Variants in MYOM2 observed in about 807,000 individuals in gnomAD.
MYOM2 encodes the protein myomesin 2, also known as myomesin-2.
Under a neutral mutation model 187.6 loss-of-function variants are expected in MYOM2, and 254 were observed. The ratio of observed to expected loss-of-function variants is 1.35; its 90% confidence interval spans 1.22 to 1.50. The LOEUF is 1.50. Ranked by LOEUF, MYOM2 falls within the 40% of genes most tolerant of loss-of-function variation. MYOM2 has a pLI of 0.00. For synonymous variants in MYOM2, 981 were observed against 753.8 expected (o/e 1.30, Z -4.94); for missense variants, 2,796 against 1,924.0 (o/e 1.45, Z -8.48).
intron 35 of MYOM2, among the ~76,000 whole-genome samples, chr8:2,142,762 C>T (rs1798320812): frequency 8.9e-6 from 1 of 112,876 alleles, no homozygotes; most frequent in Admixed American, 1.0e-4. Context: ...TCCCTTTATT[C>T]TTTTTTTTTT....
In MYOM2 at chr8:2,052,244, G is replaced by T; in HGVS notation, c.194G>T (p.Gly65Val). 6.2e-7 allele frequency: 1 copy of T among 1,613,298 alleles called. No individual in the cohort carries two copies. Among genetic ancestry groups the T allele is most frequent in the Non-Finnish European group, 8.5e-7 (1 of 1,179,832 alleles). Residue 65 changes from glycine to valine, a missense_variant, in exon 3 of 37, where the codon GGA becomes GTA. Transcript: ENST00000262113. Reference sequence around the variant, plus strand: ...GCCTCCAGCCAGACGTCCCTGGGAGGAACCATCTGCAGGGTCTGTGCGAAG... The same window carrying T: ...GCCTCCAGCCAGACGTCCCTGGGAGTAACCATCTGCAGGGTCTGTGCGAAG... ...QRASSQTSLGGTICRVCAKRV... is the reference protein window; with the variant it reads ...QRASSQTSLGVTICRVCAKRV...
chr8:2,119,938 G>C (rs556876663), intron 28 of MYOM2, among the ~76,000 whole-genome samples: 21 of 152,146 alleles, frequency 1.4e-4, no homozygotes, highest in African/African-American at 5.1e-4. Context: ...AGTGCAGCCC[G>C]TTGGTTTCAC....
chr8:2,085,234 A>G (rs1279563573), intron 13 of MYOM2, 29 bp from the exon 14 acceptor site: 3 of 1,611,378 alleles, frequency 1.9e-6, no homozygotes, highest in East Asian at 2.2e-5. Context: ...GGGGTCCTTC[A>G]GCACTCACCG....
chr8:2,064,788 CT>C (rs1754060448), intron 6 of MYOM2, among the ~76,000 whole-genome samples: 1 of 152,112 alleles, frequency 6.6e-6, no homozygotes, highest in African/African-American at 2.4e-5. Flanking sequence ...CATCCCCCTC[CT>C]CCTTCTCCTC....
At chr8:2,063,076 A>C (rs1390419647) in intron 6 of MYOM2, among the ~76,000 whole-genome samples, 1 of 152,194 alleles carries the variant, frequency 6.6e-6, no homozygotes, top group Non-Finnish European at 1.5e-5. Flanking sequence ...ACTTGGGAAA[A>C]GGAAACTTCC....
At chr8:2,077,317 A>C (rs1054129933) in intron 11 of MYOM2, among the ~76,000 whole-genome samples, 6 of 152,184 alleles carry the variant, frequency 3.9e-5, no homozygotes, top group African/African-American at 1.2e-4. Context: ...ATCAAAAAAA[A>C]CAAAACAAAA....
chr8:2,111,825 T>C (rs1797077971), intron 25 of MYOM2, among the ~76,000 whole-genome samples: 1 of 152,260 alleles, frequency 6.6e-6, no homozygotes, highest in Non-Finnish European at 1.5e-5. Context: ...TCTATCATTG[T>C]AGATGTACCA....
Position 2,098,859 on chromosome 8 carries a change from G to A in MYOM2, c.2316G>A (p.Val772=), listed in dbSNP as rs752814805. ...TAATTTAAACAAAATCTGAATAGGT[G>A]GACGGCTTGACGGAAGGCTCACTCT... ...SSPSKPTILT[V]DGLTEGSLYE... Residue 772 remains valine, a splice_region_variant and synonymous_variant, in exon 19 of 37, where the codon GTG becomes GTA. Transcript: ENST00000262113. 1 of 1,610,962 alleles carries A rather than the reference G, an allele frequency of 6.2e-7. No individual in the cohort carries two copies. Among genetic ancestry groups the A allele is most frequent in the Non-Finnish European group, 8.5e-7 (1 of 1,177,824 alleles).
rs116914025 is a variant in MYOM2, at chr8:2,052,705, C to T, written c.263+392C>T. 9.7e-3 allele frequency among the ~76,000 whole-genome samples: 1,483 copies of T among 152,350 alleles called. 10 individuals are homozygous for T. Among genetic ancestry groups the T allele is most frequent in the Middle Eastern group, 0.017 (5 of 294 alleles). On this transcript the variant is annotated intron_variant, in intron 3 of 36. Coordinates refer to ENST00000262113, the MANE Select transcript of MYOM2 (RefSeq NM_003970.4). ...GCAGGATAAGCACACATGAAAACAT[C>T]AAGACCTAGCAGTGTGAGAGTAATT...
intron 35 of MYOM2, among the ~76,000 whole-genome samples, chr8:2,143,105 G>C (rs1798333980): frequency 1.3e-5 from 2 of 151,954 alleles, no homozygotes; most frequent in Admixed American, 1.3e-4. Flanking sequence ...GGCTCTCCAG[G>C]CCTTCCGTCC....
chr8:2,126,565 G>A (rs540250298), intron 31 of MYOM2, among the ~76,000 whole-genome samples: 2 of 152,268 alleles, frequency 1.3e-5, no homozygotes, highest in East Asian at 3.9e-4. Context: ...CACTTGTGTA[G>A]ACTCACACAC....
rs757946357 is a variant in MYOM2, at chr8:2,094,120, G to A, written c.2125+29G>A. 57 of 1,612,884 alleles carry A rather than the reference G, an allele frequency of 3.5e-5. No individual in the cohort carries two copies. In the Admixed American group the frequency reaches 6.2e-4, roughly 17 times the overall value. ...AGTCACTCACAGGCTGTTGTGTGCC[G>A]ATTGCTCCCATACACTGTCATTTCT... On this transcript the variant is annotated intron_variant, in intron 17 of 36. Transcript: ENST00000262113.
In MYOM2 at chr8:2,144,984, G is replaced by C. The variant is rs141113132; in HGVS notation, c.*3G>C. The C allele has an allele frequency of 2.5e-6, 4 of 1,612,726 alleles. No homozygotes were observed. The highest frequency in any genetic ancestry group is 3.4e-6 in the Non-Finnish European group (4 of 1,179,670). On this transcript the variant is annotated 3_prime_UTR_variant, in exon 37 of 37. Coordinates refer to ENST00000262113, the MANE Select transcript of MYOM2 (RefSeq NM_003970.4). ...CTGCCTCAGCGGCAGGCCAGTGAAG[G>C]CGTTTTCCTAGCCTGGAGATGGGAA...
At chr8:2,064,013 G>A (rs562184759) in intron 6 of MYOM2, among the ~76,000 whole-genome samples, 1 of 152,226 alleles carries the variant, frequency 6.6e-6, no homozygotes, top group African/African-American at 2.4e-5. Flanking sequence ...CCTGTGTGGG[G>A]CCTCGGGAAG....
intron 25 of MYOM2, among the ~76,000 whole-genome samples, chr8:2,111,753 AAAT>A (rs1797074920): frequency 2.6e-5 from 4 of 152,230 alleles, no homozygotes; most frequent in Non-Finnish European, 5.9e-5. Flanking sequence ...CCATTTCTTA[AAAT>A]AATCTCCCTC....
At chr8:2,074,412 T>C (rs555542154) in intron 10 of MYOM2, among the ~76,000 whole-genome samples, 1 of 152,244 alleles carries the variant, frequency 6.6e-6, no homozygotes, top group South Asian at 2.1e-4. Flanking sequence ...TTTGGCATCA[T>C]GTGACTGAGC....
chr8:2,126,180 C>A (rs562878187), intron 31 of MYOM2, among the ~76,000 whole-genome samples: 1 of 152,172 alleles, frequency 6.6e-6, no homozygotes, highest in East Asian at 1.9e-4. Context: ...AGCAGAGATG[C>A]AGCGGCTGAG....
At chr8:2,127,928 A>G (rs1438815053) in intron 31 of MYOM2, 2 of 152,478 alleles carry the variant, frequency 1.3e-5, no homozygotes, top group Admixed American at 6.5e-5. Flanking sequence ...TAAAAGGAAA[A>G]CAAAGAGCTT....
chr8:2,074,217 A>G (rs978060048), intron 10 of MYOM2, among the ~76,000 whole-genome samples: 5 of 152,250 alleles, frequency 3.3e-5, no homozygotes, highest in African/African-American at 7.2e-5. Context: ...CTATACTTAC[A>G]TAAACATCCA....
Sources: gnomAD v4.1 joint callset for allele counts (sites outside exome capture counted in the v4.1 genomes callset) on GRCh38, gnomAD v4.1.1 for gene constraint, MANE v1.5 for transcripts, NCBI Gene and HGNC (gene_info 2026-07-23, HGNC 2026-07-21) for gene names.